Variants in CDYL observed in about 807,000 individuals in gnomAD.
The protein encoded by CDYL is chromodomain Y-like protein.
Under a neutral mutation model 47.3 loss-of-function variants are expected in CDYL, and 8 were observed. The ratio of observed to expected loss-of-function variants is 0.17; its 90% CI spans 0.10 to 0.31. CDYL has a LOEUF of 0.31. Ranked by LOEUF, CDYL falls within the 10% of genes least tolerant of loss-of-function variation. CDYL has a pLI of 1.00. For synonymous variants in CDYL, 266 were observed against 265.0 expected (o/e 1.00, Z -0.04); for missense variants, 471 against 701.4 (o/e 0.67, Z 3.71).
chr6:4,837,300 T>C (rs1581201644), intron 1 of CDYL, among the ~76,000 whole-genome samples: 1 of 152,330 alleles, frequency 6.6e-6, no homozygotes, highest in Non-Finnish European at 1.5e-5. Context: ...TGTTATACAA[T>C]CTTTTGGAAT....
intron 1 of CDYL, among the ~76,000 whole-genome samples, chr6:4,874,242 G>C (rs1038407904): frequency 7.9e-5 from 12 of 151,714 alleles, no homozygotes; most frequent in Non-Finnish European, 1.6e-4. Flanking sequence ...TCTTTGTGTT[G>C]GCCTTACTGA....
intron 1 of CDYL, among the ~76,000 whole-genome samples, chr6:4,830,396 T>A (rs1406401368): frequency 6.6e-6 from 1 of 152,186 alleles, no homozygotes; most frequent in Non-Finnish European, 1.5e-5. Flanking sequence ...TTGATAGTTT[T>A]CCTTCCCCAG....
intron 1 of CDYL, among the ~76,000 whole-genome samples, chr6:4,852,884 G>A (rs755820453): frequency 3.9e-4 from 59 of 151,404 alleles, no homozygotes; most frequent in Admixed American, 3.6e-3. Flanking sequence ...CTGCAGCCTC[G>A]AGCTCCTGGG....
At chr6:4,939,282 A>G (rs989077715) in intron 4 of CDYL, among the ~76,000 whole-genome samples, 22 of 151,990 alleles carry the variant, frequency 1.4e-4, no homozygotes, top group African/African-American at 5.3e-4. Flanking sequence ...TGTGGTGGGT[A>G]GGGGGGCTCT....
chr6:4,853,691 TA>T (rs1760918426), intron 1 of CDYL, among the ~76,000 whole-genome samples: 2 of 152,334 alleles, frequency 1.3e-5, no homozygotes, highest in South Asian at 4.1e-4. Flanking sequence ...GAATATCTTT[TA>T]AAAAGGAAAC....
intron 1 of CDYL, among the ~76,000 whole-genome samples, chr6:4,882,105 G>A (rs1761779414): frequency 1.3e-5 from 2 of 152,188 alleles, no homozygotes; most frequent in Non-Finnish European, 2.9e-5. Context: ...ACCGGAGCAG[G>A]AACATGTTGG....
chr6:4,743,699 A>G (rs1039290442), intron 3 of CDYL, among the ~76,000 whole-genome samples: 1 of 152,198 alleles, frequency 6.6e-6, no homozygotes, highest in Non-Finnish European at 1.5e-5. Flanking sequence ...TTTATTATAT[A>G]TATCATCCAA....
At chr6:4,752,166 C>G (rs1251844158) in intron 3 of CDYL, among the ~76,000 whole-genome samples, 2 of 152,128 alleles carry the variant, frequency 1.3e-5, no homozygotes, top group Non-Finnish European at 2.9e-5. Context: ...CGCAGCATAT[C>G]CTGGGTGGGT....
intron 1 of CDYL, among the ~76,000 whole-genome samples, chr6:4,825,490 T>G (rs6939986): frequency 0.027 from 4,039 of 152,302 alleles, 183 homozygotes; most frequent in African/African-American, 0.092. Flanking sequence ...TTCATAAATG[T>G]CCTTATCATG....
chr6:4,886,031 C>T (rs755955381), intron 1 of CDYL, among the ~76,000 whole-genome samples: 10 of 152,284 alleles, frequency 6.6e-5, no homozygotes, highest in African/African-American at 1.9e-4. Flanking sequence ...TTTTACATAG[C>T]GTAAGGTTTT....
In CDYL at chr6:4,776,446, G is replaced by A. The variant is rs1162695125; in HGVS notation, c.-338G>A. 1 of 145,450 alleles carries A rather than the reference G, an allele frequency of 6.9e-6. No homozygotes were observed. The highest frequency in any genetic ancestry group is 2.0e-4 in the East Asian group (1 of 5,028). The allele number at this position is 145,450 out of a possible 1,614,324, so 9.0% of individuals were successfully genotyped here. Reference sequence around the variant, plus strand: ...TTTCTGCACTACACCGGAGAGGGGAGCCGCGATCCGGCCGCGCCGCCCGCA... The same window carrying A: ...TTTCTGCACTACACCGGAGAGGGGAACCGCGATCCGGCCGCGCCGCCCGCA... On this transcript the variant is annotated 5_prime_UTR_variant, in exon 1 of 7. Coordinates refer to ENST00000397588, the MANE Select transcript of CDYL (RefSeq NM_004824.4).
upstream of CDYL, chr6:4,775,456 G>C (rs1347503911): frequency 6.6e-6 from 1 of 151,074 alleles, no homozygotes; most frequent in Non-Finnish European, 1.5e-5. The surrounding 1 kb of genome is among the most constrained non-coding windows in gnomAD (Gnocchi z 7.0). Flanking sequence ...AGTCCACACC[G>C]TTCCGCGAAA....
At chr6:4,743,268 G>A (rs1435019470) in intron 3 of CDYL, among the ~76,000 whole-genome samples, 6 of 152,188 alleles carry the variant, frequency 3.9e-5, no homozygotes, top group African/African-American at 1.2e-4. Flanking sequence ...CTTATCTCCT[G>A]CCAAGGCTGG....
At chr6:4,854,990 A>T (rs1760963560) in intron 1 of CDYL, among the ~76,000 whole-genome samples, 1 of 152,212 alleles carries the variant, frequency 6.6e-6, no homozygotes, top group African/African-American at 2.4e-5. Context: ...GAAATATATG[A>T]ATAGGGTCAA....
intron 1 of CDYL, among the ~76,000 whole-genome samples, chr6:4,810,552 G>A (rs1759498516): frequency 6.6e-6 from 1 of 152,068 alleles, no homozygotes; most frequent in African/African-American, 2.4e-5. Flanking sequence ...TTTTGTTTTA[G>A]TATATAATAA....
intron 1 of CDYL, chr6:4,836,043 T>C (rs1182241543): frequency 6.5e-6 from 1 of 153,580 alleles, no homozygotes; most frequent in Non-Finnish European, 1.4e-5. Flanking sequence ...AGTGAGGCAA[T>C]GCCTCGCCCT....
At chr6:4,722,043 C>A (rs544256337) in intron 2 of CDYL, among the ~76,000 whole-genome samples, 1 of 151,978 alleles carries the variant, frequency 6.6e-6, no homozygotes, top group Non-Finnish European at 1.5e-5. Flanking sequence ...TTAGTAGAGA[C>A]GGGATTTCAT....
At chr6:4,734,817 C>T (rs781104414) in exon 3 of CDYL, 25 of 1,613,986 alleles carry the variant, frequency 1.5e-5, no homozygotes, top group African/African-American at 2.7e-5. Flanking sequence ...GTGAGCAAAG[C>T]GGGGCACAGC....
chr6:4,754,084 A>C (rs1027151167), intron 3 of CDYL, among the ~76,000 whole-genome samples: 1 of 152,168 alleles, frequency 6.6e-6, no homozygotes, highest in Non-Finnish European at 1.5e-5. Flanking sequence ...GCAGTGAGCT[A>C]TGACTGCACC....
Sources: allele counts gnomAD v4.1 joint callset (sites outside exome capture counted in the v4.1 genomes callset), GRCh38; gene constraint gnomAD v4.1.1; non-coding constraint Gnocchi (gnomAD v3.1); transcripts MANE v1.5; gene names NCBI Gene and HGNC (gene_info 2026-07-23, HGNC 2026-07-21).